Variants in FAR2 observed in about 807,000 individuals in gnomAD.
FAR2 encodes fatty acyl-CoA reductase 2, also known as epididymis secretory protein Li 81.
FAR2 carries 19 observed loss-of-function variants against 56.0 expected under a neutral mutation model. The ratio of observed to expected loss-of-function variants is 0.34; its 90% CI spans 0.24 to 0.50. The LOEUF is 0.50. FAR2 is among the 20% of genes least tolerant of loss of function. The pLI is 0.98. For missense variants in FAR2, 508 were observed against 642.2 expected, an observed-to-expected ratio of 0.79 and a Z score of 2.26; for synonymous variants, 219 against 218.8, an observed-to-expected ratio of 1.00 and a Z score of -0.01.
At chr12:29,221,878 C>T (rs907992122) in intron 1 of FAR2, among the ~76,000 whole-genome samples, 3 of 151,980 alleles carry the variant, frequency 2.0e-5, no homozygotes, top group Non-Finnish European at 4.4e-5. Context: ...GACGGAGTCT[C>T]GCTCTGTCAC....
intron 2 of FAR2, chr12:29,292,247 T>C (rs1281562392): frequency 6.6e-6 from 1 of 152,184 alleles, no homozygotes; most frequent in African/African-American, 2.4e-5. Flanking sequence ...GTGAGAAGGG[T>C]GGATGCTGAA....
intron 9 of FAR2, among the ~76,000 whole-genome samples, chr12:29,321,057 T>G (rs1949542817): frequency 6.6e-6 from 1 of 152,062 alleles, no homozygotes; most frequent in South Asian, 2.1e-4. Flanking sequence ...ATCAGGACTG[T>G]GCCTAACACA....
chr12:29,307,754 G>A lies in FAR2; in HGVS notation c.642G>A (p.Val214=), dbSNP rs370532615. 35 of 1,613,614 alleles carry A rather than the reference G, an allele frequency of 2.2e-5. No homozygotes were observed. Among genetic ancestry groups the A allele is most frequent in the Middle Eastern group, 1.7e-4 (1 of 5,876 alleles). ...YTYTKALGEM[V]VQQESRNLNI... ...ACACCAAGGCCTTGGGAGAAATGGTGGTGCAGCAAGAGAGCAGGAACCTGA... is the reference window on the plus strand; with the variant it reads ...ACACCAAGGCCTTGGGAGAAATGGTAGTGCAGCAAGAGAGCAGGAACCTGA... Residue 214 remains valine, a synonymous_variant, in exon 5 of 12, where the codon GTG becomes GTA. Transcript: ENST00000536681.
intron 10 of FAR2, among the ~76,000 whole-genome samples, chr12:29,325,723 C>A (rs929049538): frequency 2.6e-5 from 4 of 152,028 alleles, no homozygotes; most frequent in Non-Finnish European, 4.4e-5. Context: ...ACACAACATA[C>A]CAGAATTTCT....
chr12:29,306,455 A>G (rs890093069), intron 4 of FAR2, among the ~76,000 whole-genome samples: 3 of 152,202 alleles, frequency 2.0e-5, no homozygotes, highest in Admixed American at 2.0e-4. Flanking sequence ...CTGCTCAAAA[A>G]TTTGTCATGT....
intron 5 of FAR2, 97 bp downstream of exon 5, chr12:29,307,932 T>C (rs1949280581): frequency 1.5e-6 from 2 of 1,307,564 alleles, no homozygotes; most frequent in Middle Eastern, 2.8e-4. Flanking sequence ...CTCCTCAGGA[T>C]TTATAGCTAA....
intron 1 of FAR2, among the ~76,000 whole-genome samples, chr12:29,252,243 C>A (rs1015812404): frequency 6.6e-6 from 1 of 151,996 alleles, no homozygotes; most frequent in African/African-American, 2.4e-5. Flanking sequence ...ATTATCATGC[C>A]CTGTAATTAA....
At chr12:29,152,190 C>T (rs1376908773) in intron 1 of FAR2, among the ~76,000 whole-genome samples, 2 of 152,134 alleles carry the variant, frequency 1.3e-5, no homozygotes, top group African/African-American at 2.4e-5. Flanking sequence ...ATCCAAACGT[C>T]GAACGGTGAG....
chr12:29,284,927 C>T (rs545669158), intron 2 of FAR2, among the ~76,000 whole-genome samples: 6,390 of 152,106 alleles, frequency 0.042, 440 homozygotes, highest in African/African-American at 0.15. Context: ...CTGCAAGCTC[C>T]ACCTCCCGGG....
At chr12:29,316,617 T>G (rs1320922942) in intron 8 of FAR2, among the ~76,000 whole-genome samples, 1 of 152,188 alleles carries the variant, frequency 6.6e-6, no homozygotes, top group Non-Finnish European at 1.5e-5. Flanking sequence ...TTACAGTAAA[T>G]GCTTCAACTA....
At chr12:29,314,585 A>C (rs1012025970) in intron 8 of FAR2, among the ~76,000 whole-genome samples, 1 of 152,068 alleles carries the variant, frequency 6.6e-6, no homozygotes, top group Admixed American at 6.6e-5. Flanking sequence ...CAGCTTTCTC[A>C]GAAAGCCTTT....
intron 1 of FAR2, among the ~76,000 whole-genome samples, chr12:29,235,067 G>A (rs1947917966): frequency 6.6e-6 from 1 of 152,032 alleles, no homozygotes; most frequent in African/African-American, 2.4e-5. Flanking sequence ...TACTTGTATT[G>A]ACTCATTTTG....
Position 29,231,618 on chromosome 12 carries a change from G to A in FAR2, c.-38-38794G>A, listed in dbSNP as rs1370004012. On this transcript the variant is annotated intron_variant, in intron 1 of 11. Transcript: ENST00000536681. ...AGGGAAGATTGATACATGCAAGAGG[G>A]AAAGGATAGTTAATCATGTAGCTCT... Among the ~76,000 whole-genome samples, 3 of 152,206 alleles carry A rather than the reference G, an allele frequency of 2.0e-5. No individual in the cohort carries two copies. The East Asian group carries it at 5.8e-4, about 29-fold the overall frequency.
intron 1 of FAR2, among the ~76,000 whole-genome samples, chr12:29,164,110 G>A (rs1214255121): frequency 2.6e-5 from 4 of 152,158 alleles, no homozygotes; most frequent in Admixed American, 2.0e-4. Flanking sequence ...AGCTCAACAC[G>A]TAATACAGTA....
intron 10 of FAR2, among the ~76,000 whole-genome samples, chr12:29,326,295 G>A (rs940701628): frequency 6.6e-6 from 1 of 152,166 alleles, no homozygotes; most frequent in Non-Finnish European, 1.5e-5. Flanking sequence ...AGGACCAGAT[G>A]GATTCACAGC....
chr12:29,321,546 A>G (rs1949551521), intron 9 of FAR2, among the ~76,000 whole-genome samples: 1 of 152,196 alleles, frequency 6.6e-6, no homozygotes, highest in South Asian at 2.1e-4. Flanking sequence ...TTCTTGAGAA[A>G]TAGGTGTTAG....
chr12:29,162,762 AC>A (rs1778365726), intron 1 of FAR2, among the ~76,000 whole-genome samples: 1 of 152,184 alleles, frequency 6.6e-6, no homozygotes, highest in South Asian at 2.1e-4. Flanking sequence ...TCTTCATTAT[AC>A]TCACACATTT....
chr12:29,277,758 C>T (rs929014689), intron 2 of FAR2: 1 of 152,146 alleles, frequency 6.6e-6, no homozygotes, highest in African/African-American at 2.4e-5. Flanking sequence ...GCTCTGCCTA[C>T]TTTGCATGCT....
intron 1 of FAR2, among the ~76,000 whole-genome samples, chr12:29,167,318 C>T (rs557854540): frequency 6.6e-6 from 1 of 152,148 alleles, no homozygotes; most frequent in Admixed American, 6.6e-5. Flanking sequence ...TCACACTCCA[C>T]AGAGAAAAGA....
Sources: allele counts gnomAD v4.1 joint callset (sites outside exome capture counted in the v4.1 genomes callset), GRCh38; gene constraint gnomAD v4.1.1; transcripts MANE v1.5; gene names NCBI Gene and HGNC (gene_info 2026-07-23, HGNC 2026-07-21).